The following RORA variants were observed in gnomAD, a reference collection of about 807,000 sequenced individuals.
The protein encoded by RORA is nuclear receptor ROR-alpha.
Under a neutral mutation model 69.5 loss-of-function variants are expected in RORA, and 7 were observed. That is an observed-to-expected ratio of 0.10 (90% CI 0.06 to 0.19). The LOEUF (loss-of-function observed/expected upper bound fraction) is 0.19, where lower values mean the gene tolerates loss of function less well. Among genes scored for constraint, RORA ranks in the 10% least tolerant of loss-of-function variants. The pLI, the probability that RORA is intolerant of heterozygous loss-of-function variation, is 1.00. For synonymous variants in RORA, 261 were observed against 240.8 expected (o/e 1.08, Z -0.78); for missense variants, 457 against 663.0 (o/e 0.69, Z 3.41).
At chr15:61,037,082 C>T (rs1896495098) in intron 1 of RORA, among the ~76,000 whole-genome samples, 1 of 152,166 alleles carries the variant, frequency 6.6e-6, no homozygotes, top group Admixed American at 6.5e-5. Flanking sequence ...AATTCAAATC[C>T]TAGCTCCTCT....
chr15:61,054,994 G>A (rs140674124), intron 1 of RORA, among the ~76,000 whole-genome samples: 234 of 151,894 alleles, frequency 1.5e-3, no homozygotes, highest in Middle Eastern at 6.8e-3. Flanking sequence ...ACACCACCAC[G>A]TCTGGCTAAT....
At chr15:60,854,677 C>T (rs1281356116) in intron 1 of RORA, among the ~76,000 whole-genome samples, 2 of 152,162 alleles carry the variant, frequency 1.3e-5, no homozygotes, top group Non-Finnish European at 2.9e-5. Flanking sequence ...ATAACAAATA[C>T]TTATGATGAT....
chr15:60,703,589 C>A (rs2071016789), intron 1 of RORA, among the ~76,000 whole-genome samples: 1 of 152,110 alleles, frequency 6.6e-6, no homozygotes, highest in African/African-American at 2.4e-5. Context: ...CAGTCACAAG[C>A]CGGTTTTACT....
chr15:60,603,507 G>C (rs1208607361), intron 2 of RORA, among the ~76,000 whole-genome samples: 1 of 152,186 alleles, frequency 6.6e-6, no homozygotes, highest in Admixed American at 6.5e-5. Context: ...CAGGAACACT[G>C]AATTTTAAAA....
chr15:60,837,140 G>A (rs1595755228), intron 1 of RORA, among the ~76,000 whole-genome samples: 3 of 151,384 alleles, frequency 2.0e-5, no homozygotes, highest in Admixed American at 2.0e-4. Flanking sequence ...CCAAAGTGCT[G>A]GGATTATAGG....
At chr15:61,174,760 A>G (rs2079613354) in intron 1 of RORA, among the ~76,000 whole-genome samples, 1 of 152,218 alleles carries the variant, frequency 6.6e-6, no homozygotes, top group Non-Finnish European at 1.5e-5. Context: ...GTAGGGAAAG[A>G]GAATTTTACT....
chr15:60,595,702 A>C, intron 2 of RORA, among the ~76,000 whole-genome samples: 1 of 149,430 alleles, frequency 6.7e-6, no homozygotes, highest in South Asian at 2.1e-4. Context: ...AAAAAAAAGT[A>C]AAGTAATATT....
intron 1 of RORA, among the ~76,000 whole-genome samples, chr15:61,220,575 C>A (rs904343034): frequency 6.6e-6 from 1 of 152,144 alleles, no homozygotes; most frequent in Non-Finnish European, 1.5e-5. Context: ...CATCTGGTTG[C>A]CTTTTCTCTG....
rs539451047 is a variant in RORA at position 60,712,232 on chromosome 15, G to A, written c.167-33546C>T. Among the ~76,000 whole-genome samples, 15 of 152,290 alleles carry A rather than the reference G, an allele frequency of 9.8e-5. No homozygotes were observed. In the East Asian group the frequency reaches 2.1e-3, roughly 22 times the overall value. ...CCTACATATTCTATTTGGATTACAA[G>A]TGATTGTCTAACATTTTTAAAAAAG... On this transcript the variant is annotated intron_variant, in intron 1 of 10. Coordinates refer to ENST00000335670, the MANE Select transcript of RORA (RefSeq NM_134261.3).
intron 2 of RORA, among the ~76,000 whole-genome samples, chr15:60,604,432 T>G (rs906315426): frequency 3.9e-5 from 6 of 152,208 alleles, no homozygotes; most frequent in African/African-American, 1.4e-4. Flanking sequence ...TTTTTGCCAT[T>G]CTATGGTCTA....
At chr15:60,593,094 T>G in intron 2 of RORA, 1 of 342,664 alleles carries the variant, frequency 2.9e-6, no homozygotes, top group South Asian at 2.1e-5. Flanking sequence ...GTCCGGGGAG[T>G]GGAGTAAGCT....
rs544338390 is a variant in RORA at position 61,049,768 on chromosome 15, T to C, written c.166+179285A>G. On this transcript the variant is annotated intron_variant, in intron 1 of 10. Transcript: ENST00000335670. ...TCCGCCTCCCGGGTTCAAGTGATTCTCCTGCCTCAGCCTCCTGAGTCGCTG... is the reference window on the plus strand; with the variant it reads ...TCCGCCTCCCGGGTTCAAGTGATTCCCCTGCCTCAGCCTCCTGAGTCGCTG... 1.2e-4 allele frequency among the ~76,000 whole-genome samples: 18 copies of C among 152,294 alleles called. No individual in the cohort carries two copies. In the East Asian group the frequency reaches 3.3e-3, roughly 28 times the overall value.
chr15:60,902,851 C>T (rs1033960863), intron 1 of RORA, among the ~76,000 whole-genome samples: 2 of 152,212 alleles, frequency 1.3e-5, no homozygotes, highest in African/African-American at 2.4e-5. Flanking sequence ...CGCTTTTCTC[C>T]TCTTCTACAG....
At chr15:60,691,754 T>C (rs940234272) in intron 1 of RORA, among the ~76,000 whole-genome samples, 1 of 152,226 alleles carries the variant, frequency 6.6e-6, no homozygotes, top group Non-Finnish European at 1.5e-5. Flanking sequence ...TGTGATAAAA[T>C]TGATTTGGTC....
chr15:60,720,983 C>A (rs1046561334), intron 1 of RORA, among the ~76,000 whole-genome samples: 1 of 152,114 alleles, frequency 6.6e-6, no homozygotes, highest in African/African-American at 2.4e-5. Flanking sequence ...CTACTTCCTG[C>A]CCCCACACCT....
intron 3 of RORA, among the ~76,000 whole-genome samples, chr15:60,521,058 G>C (rs549436353): frequency 6.6e-6 from 1 of 152,154 alleles, no homozygotes. Context: ...GAGATTATCA[G>C]GTACAGCAGT....
chr15:60,585,302 A>G (rs1346865044), intron 2 of RORA, among the ~76,000 whole-genome samples: 1 of 152,236 alleles, frequency 6.6e-6, no homozygotes, highest in Admixed American at 6.5e-5. Context: ...TATCCTAAAA[A>G]ATATGCAAAT....
At chr15:60,570,465 G>C (rs762525781) in intron 2 of RORA, among the ~76,000 whole-genome samples, 11 of 151,794 alleles carry the variant, frequency 7.2e-5, no homozygotes, top group Non-Finnish European at 1.5e-4. Flanking sequence ...TGAGTAGCTG[G>C]GACTATAATG....
intron 3 of RORA, among the ~76,000 whole-genome samples, chr15:60,515,983 A>T (rs1382217786): frequency 0.011 from 83 of 7,400 alleles, 6 homozygotes; most frequent in African/African-American, 0.02. Context: ...TTATATATTT[A>T]TATATATTTA....
Sources: allele counts gnomAD v4.1 joint callset (sites outside exome capture counted in the v4.1 genomes callset), GRCh38; gene constraint gnomAD v4.1.1; transcripts MANE v1.5; gene names NCBI Gene and HGNC (gene_info 2026-07-23, HGNC 2026-07-21).